Variants in KIAA0825 observed in about 807,000 individuals in gnomAD.
KIAA0825 encodes the protein uncharacterized protein KIAA0825.
A neutral mutation model predicts 147.6 loss-of-function variants in KIAA0825; 119 were observed. The observed-to-expected ratio is 0.81, with a 90% CI of 0.69 to 0.94. The LOEUF (loss-of-function observed/expected upper bound fraction) is 0.94, where lower values mean the gene tolerates loss of function less well. Ranked by LOEUF, KIAA0825 falls within the 40% of genes least tolerant of loss-of-function variation. The probability of loss-of-function intolerance (pLI) is 0.00; values close to 1 mark genes in which losing one functional copy is unlikely to be tolerated. For synonymous variants in KIAA0825, 470 were observed against 518.1 expected (o/e 0.91, Z 1.26); for missense variants, 1,381 against 1,472.7 (o/e 0.94, Z 1.02).
chr5:94,484,867 A>G lies in KIAA0825; in HGVS notation c.1034T>C (p.Leu345Ser), dbSNP rs766264737. 12 of 1,541,186 alleles carry G rather than the reference A, an allele frequency of 7.8e-6. No homozygotes were observed. The East Asian group carries it at 1.7e-4, about 22-fold the overall frequency. Residue 345 changes from leucine to serine, a missense_variant, in exon 6 of 21, where the codon TTA becomes TCA. By Grantham distance (145) the Leu-to-Ser change is moderately radical (BLOSUM62 -2). Transcript: ENST00000682413. ...FSLPLDKVEF[L>S]SQLIKSFMKL... ...CATAAAGGATTTTATGAGCTGCGAT[A>G]AGAATTCGACTTTGTCTAAAGGGAG...
intron 20 of KIAA0825, among the ~76,000 whole-genome samples, chr5:94,222,331 C>T (rs1439257161): frequency 6.6e-6 from 1 of 152,038 alleles, no homozygotes; most frequent in Non-Finnish European, 1.5e-5. Context: ...TTCAATATTT[C>T]AGGTAAGGAG....
intron 20 of KIAA0825, among the ~76,000 whole-genome samples, chr5:94,346,071 C>T (rs1403835640): frequency 1.3e-5 from 2 of 152,160 alleles, no homozygotes; most frequent in Non-Finnish European, 2.9e-5. Context: ...GGGTGTGGCA[C>T]CGGGCTGTCT....
chr5:94,291,388 G>GT (rs1777885537), intron 20 of KIAA0825, among the ~76,000 whole-genome samples: 1 of 152,078 alleles, frequency 6.6e-6, no homozygotes, highest in Non-Finnish European at 1.5e-5. Flanking sequence ...CCCATTGCTT[G>GT]TTTTTTGTCA....
intron 20 of KIAA0825, among the ~76,000 whole-genome samples, chr5:94,289,915 T>C (rs1181874804): frequency 6.6e-6 from 1 of 150,636 alleles, no homozygotes; most frequent in Admixed American, 6.6e-5. Flanking sequence ...AGTGTAGTGG[T>C]GTGTGCTGTA....
In KIAA0825 at chr5:94,207,888, G is replaced by A. The variant is rs1772352407; in HGVS notation, c.3711-53764C>T. 3.3e-5 allele frequency among the ~76,000 whole-genome samples: 5 copies of A among 152,262 alleles called. No homozygotes were observed. The South Asian group carries it at 1.0e-3, about 32-fold the overall frequency. On this transcript the variant is annotated intron_variant, in intron 20 of 20. Transcript: ENST00000682413. ...GCTTCCATGCTTTATGCTATATTGG[G>A]ATATAAGATATTAGTCTTAAGTTAG...
At chr5:94,347,749 A>G (rs1364706473) in intron 20 of KIAA0825, among the ~76,000 whole-genome samples, 1 of 152,212 alleles carries the variant, frequency 6.6e-6, no homozygotes, top group Admixed American at 6.5e-5. Flanking sequence ...ACAACTCCCA[A>G]AAATCACACT....
chr5:94,455,833 G>T (rs1185955405), intron 12 of KIAA0825, among the ~76,000 whole-genome samples: 1 of 152,140 alleles, frequency 6.6e-6, no homozygotes, highest in Non-Finnish European at 1.5e-5. Flanking sequence ...TCAGGGGCTT[G>T]ATCCAAGTGG....
chr5:94,470,081 A>C lies in KIAA0825; in HGVS notation c.1752T>G (p.Tyr584Ter). The C allele has an allele frequency of 6.4e-7, 1 of 1,551,546 alleles. No homozygotes were observed. Among genetic ancestry groups the C allele is most frequent in the Non-Finnish European group, 8.7e-7 (1 of 1,146,912 alleles). ...KPIFLVLVQRYQEFINTLQFQ... is the reference protein window; with the variant it reads ...KPIFLVLVQR ...ACTGTAGAGTGTTGATGAATTCCTG[A>C]TATCGTTGGACAAGCACCAGGAATA... The change falls in exon 10 of 21, where the codon TAT becomes TAG. Residue 584 changes from tyrosine to a stop codon, truncating the protein, a stop_gained. Coordinates refer to ENST00000682413, the MANE Select transcript of KIAA0825 (RefSeq NM_001145678.3). LOFTEE classifies it high-confidence loss of function.
chr5:94,482,404 C>T (rs946250315), intron 6 of KIAA0825, among the ~76,000 whole-genome samples: 1 of 152,096 alleles, frequency 6.6e-6, no homozygotes, highest in African/African-American at 2.4e-5. Flanking sequence ...GTAGGCAACT[C>T]TTTCCAAGAT....
chr5:94,226,280 G>C (rs1774157468), intron 20 of KIAA0825, among the ~76,000 whole-genome samples: 1 of 152,064 alleles, frequency 6.6e-6, no homozygotes, highest in South Asian at 2.1e-4. Flanking sequence ...ATCATCACTG[G>C]TCATCAGAGA....
At chr5:94,396,752 AT>A (rs1161549793) in intron 16 of KIAA0825, among the ~76,000 whole-genome samples, 2 of 150,888 alleles carry the variant, frequency 1.3e-5, no homozygotes, top group Non-Finnish European at 3.0e-5. Context: ...CATAATTTAT[AT>A]TCTTATCTTT....
chr5:94,364,227 C>A (rs556047180), intron 20 of KIAA0825, among the ~76,000 whole-genome samples: 44 of 151,620 alleles, frequency 2.9e-4, no homozygotes, highest in African/African-American at 1.1e-3. Flanking sequence ...AGCTACAGAA[C>A]TGGAGAGGGG....
intron 2 of KIAA0825, among the ~76,000 whole-genome samples, chr5:94,562,465 A>G (rs1466129459): frequency 2.6e-5 from 4 of 152,194 alleles, no homozygotes; most frequent in Non-Finnish European, 4.4e-5. Flanking sequence ...TGTCAGTGTC[A>G]ATTTTGCTTT....
intron 20 of KIAA0825, among the ~76,000 whole-genome samples, chr5:94,346,235 C>T (rs1387324947): frequency 6.6e-6 from 1 of 151,752 alleles, no homozygotes; most frequent in Admixed American, 6.6e-5. Flanking sequence ...AAGTACTGCC[C>T]CAAATTAAGT....
At chr5:94,419,239 C>T (rs574802489) in intron 14 of KIAA0825, among the ~76,000 whole-genome samples, 11 of 152,126 alleles carry the variant, frequency 7.2e-5, no homozygotes, top group Non-Finnish European at 1.3e-4. Context: ...TAAACGGTCT[C>T]GACTATTTCC....
chr5:94,172,136 A>G (rs1300852925), intron 20 of KIAA0825, among the ~76,000 whole-genome samples: 1 of 152,180 alleles, frequency 6.6e-6, no homozygotes, highest in Non-Finnish European at 1.5e-5. Context: ...AGTAAATTAG[A>G]GTGGAAAAAG....
intron 20 of KIAA0825, among the ~76,000 whole-genome samples, chr5:94,177,178 A>G (rs1243992571): frequency 6.6e-6 from 1 of 152,144 alleles, no homozygotes; most frequent in East Asian, 1.9e-4. Flanking sequence ...AAATCTAGAA[A>G]AATGTCACCA....
At chr5:94,553,440 A>G (rs1775919466) in intron 2 of KIAA0825, among the ~76,000 whole-genome samples, 2 of 143,930 alleles carry the variant, frequency 1.4e-5, no homozygotes, top group Non-Finnish European at 3.1e-5. Flanking sequence ...AACTCCATCT[A>G]AAAAAAAAAA....
At chr5:94,427,149 C>G (rs1365744336) in intron 14 of KIAA0825, among the ~76,000 whole-genome samples, 2 of 152,206 alleles carry the variant, frequency 1.3e-5, no homozygotes, top group Non-Finnish European at 2.9e-5. Flanking sequence ...TTTCCATCTA[C>G]TCTGAAACCA....
Sources: gnomAD v4.1 joint callset for allele counts (sites outside exome capture counted in the v4.1 genomes callset) on GRCh38, gnomAD v4.1.1 for gene constraint, MANE v1.5 for transcripts, NCBI Gene and HGNC (gene_info 2026-07-23, HGNC 2026-07-21) for gene names.